The following GRIN2B variants were observed in gnomAD, a reference collection of about 807,000 sequenced individuals.
GRIN2B encodes the protein glutamate ionotropic receptor NMDA type subunit 2B.
GRIN2B carries 5 observed loss-of-function variants against 114.5 expected under a neutral mutation model. The ratio of observed to expected loss-of-function variants is 0.04; its 90% CI spans 0.02 to 0.09. The LOEUF (loss-of-function observed/expected upper bound fraction) is 0.09, where lower values mean the gene tolerates loss of function less well. Ranked by LOEUF, GRIN2B falls within the 10% of genes least tolerant of loss-of-function variation. GRIN2B has a pLI of 1.00. For synonymous variants in GRIN2B, 787 were observed against 745.1 expected (o/e 1.06, Z -0.92); for missense variants, 1,108 against 1,943.5 (o/e 0.57, Z 8.08).
At chr12:13,874,674 G>C (rs1865968612) in intron 2 of GRIN2B, among the ~76,000 whole-genome samples, 1 of 152,122 alleles carries the variant, frequency 6.6e-6, no homozygotes, top group African/African-American at 2.4e-5. Flanking sequence ...TGTGTGTATT[G>C]GTTTAACAGC....
intron 4 of GRIN2B, among the ~76,000 whole-genome samples, chr12:13,710,685 C>A (rs1197455933): frequency 6.6e-6 from 1 of 152,018 alleles, no homozygotes; most frequent in Non-Finnish European, 1.5e-5. Flanking sequence ...ACGTGAAGGA[C>A]CTCTTCAAGA....
intron 10 of GRIN2B, among the ~76,000 whole-genome samples, chr12:13,581,813 G>C (rs568688719): frequency 6.6e-6 from 1 of 151,750 alleles, no homozygotes; most frequent in African/African-American, 2.4e-5. Flanking sequence ...GGGAGGCTGA[G>C]GCAGGAGGAT....
intron 10 of GRIN2B, among the ~76,000 whole-genome samples, chr12:13,590,621 G>A (rs563678352): frequency 1.3e-5 from 2 of 152,212 alleles, no homozygotes; most frequent in Non-Finnish European, 2.9e-5. Flanking sequence ...GTGTGTAAGT[G>A]CCACATTTTC....
chr12:13,678,276 C>T (rs1950094683), intron 4 of GRIN2B, among the ~76,000 whole-genome samples: 2 of 152,126 alleles, frequency 1.3e-5, no homozygotes, highest in Admixed American at 1.3e-4. Context: ...CAGCCCACCA[C>T]CACTGGATTG....
intron 4 of GRIN2B, among the ~76,000 whole-genome samples, chr12:13,709,515 A>C (rs1184370451): frequency 6.6e-6 from 1 of 152,048 alleles, no homozygotes; most frequent in Non-Finnish European, 1.5e-5. Context: ...AAATGAAACA[A>C]TATAATGGTT....
intron 2 of GRIN2B, among the ~76,000 whole-genome samples, chr12:13,924,532 G>T (rs896923657): frequency 3.3e-5 from 5 of 152,172 alleles, no homozygotes; most frequent in African/African-American, 4.8e-5. Context: ...GCACAGCAGG[G>T]ATAGAGGGAG....
intron 2 of GRIN2B, among the ~76,000 whole-genome samples, chr12:13,949,228 C>T (rs1038790230): frequency 6.6e-6 from 1 of 152,134 alleles, no homozygotes; most frequent in African/African-American, 2.4e-5. Context: ...TGCATTTCAG[C>T]CTGGACAGCA....
At chr12:13,613,749 A>G (rs1243097271) in intron 8 of GRIN2B, among the ~76,000 whole-genome samples, 2 of 152,212 alleles carry the variant, frequency 1.3e-5, no homozygotes, top group African/African-American at 4.8e-5. Context: ...ATGAGTTAAT[A>G]TAACCAAAGG....
chr12:13,677,266 C>A (rs757629434), intron 4 of GRIN2B, among the ~76,000 whole-genome samples: 1 of 152,152 alleles, frequency 6.6e-6, no homozygotes, highest in African/African-American at 2.4e-5. Flanking sequence ...CTAAAGGAGG[C>A]AGCTTGAAGA....
intron 2 of GRIN2B, among the ~76,000 whole-genome samples, chr12:13,902,719 G>A (rs569642469): frequency 3.9e-5 from 6 of 152,250 alleles, no homozygotes; most frequent in Non-Finnish European, 7.4e-5. Flanking sequence ...GCTGAGGCAG[G>A]AGAATCACTT....
intron 5 of GRIN2B, among the ~76,000 whole-genome samples, chr12:13,671,071 C>CTTA (rs1950018165): frequency 6.6e-6 from 1 of 152,134 alleles, no homozygotes; most frequent in Non-Finnish European, 1.5e-5. Context: ...AACAGCATTG[C>CTTA]TCTGGAGAGG....
intron 3 of GRIN2B, among the ~76,000 whole-genome samples, chr12:13,769,986 G>A (rs571357115): frequency 6.6e-6 from 1 of 152,322 alleles, no homozygotes; most frequent in East Asian, 1.9e-4. Context: ...CTTCTATTTT[G>A]TTTGAGTTTC....
At chr12:13,800,499 T>G (rs1864489450) in intron 3 of GRIN2B, among the ~76,000 whole-genome samples, 1 of 152,208 alleles carries the variant, frequency 6.6e-6, no homozygotes, top group African/African-American at 2.4e-5. Context: ...CCTGATTATT[T>G]TCTGCATGCA....
chr12:13,865,447 C>A (rs540382959), intron 3 of GRIN2B, among the ~76,000 whole-genome samples: 4 of 152,084 alleles, frequency 2.6e-5, no homozygotes, highest in Admixed American at 6.5e-5. Context: ...ACCTGGTCAA[C>A]ATGCTGAAGC....
At chr12:13,601,669 G>A (rs1263039284) in intron 10 of GRIN2B, among the ~76,000 whole-genome samples, 1 of 152,064 alleles carries the variant, frequency 6.6e-6, no homozygotes, top group African/African-American at 2.4e-5. Flanking sequence ...GAAGTCATAG[G>A]AAGGCAAGAA....
At chr12:13,647,986 T>C (rs2136513726) in intron 5 of GRIN2B, among the ~76,000 whole-genome samples, 1 of 152,198 alleles carries the variant, frequency 6.6e-6, no homozygotes, top group Non-Finnish European at 1.5e-5. Flanking sequence ...TTAGGGGCTG[T>C]CTGTTTGATG....
At chr12:13,709,977 G>T (rs2136579080) in intron 4 of GRIN2B, among the ~76,000 whole-genome samples, 1 of 151,982 alleles carries the variant, frequency 6.6e-6, no homozygotes, top group East Asian at 1.9e-4. Flanking sequence ...AAACAAAAAT[G>T]TTCAGAGCAT....
At chr12:13,712,449 A>C (rs1950423431) in intron 4 of GRIN2B, among the ~76,000 whole-genome samples, 1 of 152,056 alleles carries the variant, frequency 6.6e-6, no homozygotes, top group African/African-American at 2.4e-5. Context: ...TCTATGGTGA[A>C]ATAAATCAAA....
intron 3 of GRIN2B, among the ~76,000 whole-genome samples, chr12:13,820,127 G>A (rs1218682629): frequency 6.6e-6 from 1 of 152,082 alleles, no homozygotes. Context: ...ATGCCAAAGA[G>A]GAAACAAACA....
Sources: gnomAD v4.1 joint callset for allele counts (sites outside exome capture counted in the v4.1 genomes callset) on GRCh38, gnomAD v4.1.1 for gene constraint, MANE v1.5 for transcripts, NCBI Gene and HGNC (gene_info 2026-07-23, HGNC 2026-07-21) for gene names.